SYT9: variants seen among roughly 807,000 people sequenced by gnomAD.
The protein encoded by SYT9 is synaptotagmin-9.
In SYT9, 22 loss-of-function variants were observed where a neutral mutation model predicts 48.4. The ratio of observed to expected loss-of-function variants is 0.45; its 90% CI spans 0.32 to 0.65. The LOEUF is 0.65. Among genes scored for constraint, SYT9 ranks in the 30% least tolerant of loss-of-function variants. SYT9 has a pLI of 0.03. For synonymous variants in SYT9, 265 were observed against 245.0 expected (o/e 1.08, Z -0.76); for missense variants, 577 against 622.0 (o/e 0.93, Z 0.77).
chr11:7,268,067 A>G (rs1248755235), intron 1 of SYT9, among the ~76,000 whole-genome samples: 1 of 151,988 alleles, frequency 6.6e-6, no homozygotes, highest in East Asian at 1.9e-4. Context: ...GTAAAAAGGT[A>G]TAGGCCTAAA....
chr11:7,425,665 C>G (rs1239162633), intron 6 of SYT9, among the ~76,000 whole-genome samples: 2 of 152,172 alleles, frequency 1.3e-5, no homozygotes, highest in African/African-American at 4.8e-5. Flanking sequence ...AATTCCAGAC[C>G]CCTGTCAGTT....
rs554768157 is a variant in SYT9 at position 7,344,324 on chromosome 11, T to C, written c.1044+30383T>C. On this transcript the variant is annotated intron_variant, in intron 3 of 6. Coordinates refer to ENST00000318881, the MANE Select transcript of SYT9 (RefSeq NM_175733.4). ...CCAGTCCTTTATCAAATATATGGTA[T>C]GTGAATATTTTCTCCCAAGCTATGG... Among the ~76,000 whole-genome samples the C allele has an allele frequency of 7.2e-5, 11 of 152,270 alleles. No homozygotes were observed. The South Asian group carries it at 2.3e-3, about 32-fold the overall frequency.
chr11:7,463,697 C>T (rs559592210), intron 6 of SYT9, among the ~76,000 whole-genome samples: 43 of 152,248 alleles, frequency 2.8e-4, no homozygotes, highest in Middle Eastern at 3.4e-3. Context: ...GGTCCCAGCT[C>T]ACAAGCATTC....
chr11:7,436,439 T>C (rs1847711466), intron 6 of SYT9, among the ~76,000 whole-genome samples: 2 of 152,208 alleles, frequency 1.3e-5, no homozygotes, highest in Non-Finnish European at 2.9e-5. Context: ...AATTGTAAAA[T>C]GAGAAGTTGC....
At chr11:7,279,588 G>T (rs1167631672) in intron 1 of SYT9, among the ~76,000 whole-genome samples, 1 of 152,104 alleles carries the variant, frequency 6.6e-6, no homozygotes, top group East Asian at 1.9e-4. Flanking sequence ...ATACTTTGGG[G>T]TATTTATTTA....
Position 7,252,380 on chromosome 11 carries a change from G to T in SYT9, c.145+49G>T, listed in dbSNP as rs1847888920. 7.3e-7 allele frequency: 1 copy of T among 1,377,974 alleles called. No individual in the cohort carries two copies. The highest frequency in any genetic ancestry group is 3.1e-5 in the East Asian group (1 of 32,548). The allele number at this position is 1,377,974 out of a possible 1,614,324, so 85.4% of individuals were successfully genotyped here. On this transcript the variant is annotated intron_variant, in intron 1 of 6. Transcript: ENST00000318881. This position sits in a 1 kb window ranked among gnomAD's most constrained non-coding sequence, Gnocchi z 6.3. ...GAGGGACCTAAGGGCCCTGGGCTGG[G>T]ACTTGGGGCCGCACCGGGGCCTGAG...
chr11:7,273,480 G>A (rs1589903845), intron 1 of SYT9, among the ~76,000 whole-genome samples: 1 of 152,164 alleles, frequency 6.6e-6, no homozygotes, highest in Admixed American at 6.5e-5. Context: ...TAAAGTGCGA[G>A]AGAGAACCCA....
At chr11:7,322,182 T>G (rs1466006585) in intron 3 of SYT9, among the ~76,000 whole-genome samples, 2 of 152,170 alleles carry the variant, frequency 1.3e-5, no homozygotes, top group African/African-American at 2.4e-5. Context: ...AAGTTGCCAA[T>G]GTGACATCAC....
chr11:7,407,934 T>C (rs1373140736), intron 3 of SYT9, among the ~76,000 whole-genome samples: 2 of 152,190 alleles, frequency 1.3e-5, no homozygotes, highest in African/African-American at 4.8e-5. Flanking sequence ...CTGTAGCCTT[T>C]TGGTACATTT....
chr11:7,382,478 G>A (rs1467198880), intron 3 of SYT9, among the ~76,000 whole-genome samples: 1 of 152,082 alleles, frequency 6.6e-6, no homozygotes, highest in Non-Finnish European at 1.5e-5. Context: ...AGGTAGGAAG[G>A]CTGTGAGCAA....
At chr11:7,440,586 G>A (rs916841882) in intron 6 of SYT9, 16 of 152,314 alleles carry the variant, frequency 1.1e-4, no homozygotes, top group African/African-American at 3.8e-4. Flanking sequence ...AAGTGAACAT[G>A]GTGGTATTTT....
intron 6 of SYT9, among the ~76,000 whole-genome samples, chr11:7,452,761 C>A (rs1209917152): frequency 6.6e-6 from 1 of 151,958 alleles, no homozygotes; most frequent in Non-Finnish European, 1.5e-5. Context: ...ATGCTTTGGG[C>A]TTCTAGGAAC....
intron 6 of SYT9, among the ~76,000 whole-genome samples, chr11:7,445,339 T>G (rs35749979): frequency 0.047 from 7,190 of 152,254 alleles, 297 homozygotes; most frequent in African/African-American, 0.11. Context: ...TGAAAGCATA[T>G]GTGGCATGGG....
intron 3 of SYT9, among the ~76,000 whole-genome samples, chr11:7,375,418 A>T (rs1046885817): frequency 1.6e-4 from 25 of 152,286 alleles, no homozygotes; most frequent in Admixed American, 1.3e-3. Context: ...TTAGTGCCAT[A>T]TGAAATTTAA....
intron 3 of SYT9, among the ~76,000 whole-genome samples, chr11:7,400,965 T>C (rs1278249722): frequency 2.6e-5 from 4 of 152,184 alleles, no homozygotes; most frequent in Admixed American, 2.6e-4. Context: ...TGCTATTTGG[T>C]TACCCTGAAT....
At chr11:7,250,330 A>G (rs1847844470), upstream of SYT9, among the ~76,000 whole-genome samples, 1 of 152,164 alleles carries the variant, frequency 6.6e-6, no homozygotes, top group South Asian at 2.1e-4. Flanking sequence ...TGGTTTATCA[A>G]AGTCATTTTT....
In SYT9 at chr11:7,246,084, C is replaced by T. The variant is rs967485829; in HGVS notation, c.49+7168C>T. Among the ~76,000 whole-genome samples, 6 of 152,068 alleles carry T rather than the reference C, an allele frequency of 3.9e-5. No individual in the cohort carries two copies. The South Asian group carries it at 1.2e-3, about 32-fold the overall frequency. On this transcript the variant is annotated intron_variant and NMD_transcript_variant, in intron 1 of 8. Coordinates refer to the SYT9 transcript ENST00000524820. ...TTTCAGTTACCATCTTCTCTTTGTC[C>T]TTCTCTCAAAAGATTTACTTTTACT...
At chr11:7,428,096 GA>G (rs1847499880) in intron 6 of SYT9, 1 of 152,220 alleles carries the variant, frequency 6.6e-6, no homozygotes, top group Non-Finnish European at 1.5e-5. Context: ...CTTTGTCAGG[GA>G]TGGGTGACTT....
At chr11:7,464,894 A>G (rs913637843) in intron 6 of SYT9, among the ~76,000 whole-genome samples, 2 of 152,006 alleles carry the variant, frequency 1.3e-5, no homozygotes, top group Non-Finnish European at 2.9e-5. Context: ...CATCATGGCT[A>G]ACACAGTGAA....
Sources: gnomAD v4.1 joint callset for allele counts (sites outside exome capture counted in the v4.1 genomes callset) on GRCh38, gnomAD v4.1.1 for gene constraint, Gnocchi (gnomAD v3.1) non-coding constraint, MANE v1.5 for transcripts, NCBI Gene and HGNC (gene_info 2026-07-23, HGNC 2026-07-21) for gene names.